The following SEH1L variants were observed in gnomAD, a reference collection of about 807,000 sequenced individuals.
SEH1L encodes nucleoporin SEH1.
In SEH1L, 18 loss-of-function variants were observed where a neutral mutation model predicts 49.5. The observed-to-expected ratio is 0.36, with a 90% CI of 0.25 to 0.54. SEH1L has a LOEUF of 0.54. Among genes scored for constraint, SEH1L ranks in the 20% least tolerant of loss-of-function variants. The pLI is 0.87. For missense variants in SEH1L, 404 were observed against 528.8 expected, an observed-to-expected ratio of 0.76 and a Z score of 2.31; for synonymous variants, 169 against 178.1, an observed-to-expected ratio of 0.95 and a Z score of 0.41.
intron 7 of SEH1L, 22 bp from the exon 8 acceptor site, chr18:12,984,018 T>C (rs941274371): frequency 3.8e-6 from 6 of 1,595,056 alleles, no homozygotes; most frequent in Non-Finnish European, 3.4e-6. Flanking sequence ...CATGTTAATG[T>C]ATTTGATTAT....
chr18:12,985,161 T>G, intron 8 of SEH1L: 1 of 1,480,242 alleles, frequency 6.8e-7, no homozygotes, highest in South Asian at 1.2e-5. Context: ...TTGATCTGTA[T>G]TCTTATTGTG....
chr18:12,951,318 G>A (rs1377264137), intron 1 of SEH1L, among the ~76,000 whole-genome samples: 1 of 152,192 alleles, frequency 6.6e-6, no homozygotes, highest in East Asian at 1.9e-4. Context: ...GTAACTAATT[G>A]TCTCTGTTAC....
At chr18:12,975,330 G>GA (rs149468070) in intron 5 of SEH1L, among the ~76,000 whole-genome samples, 2,770 of 149,028 alleles carry the variant, frequency 0.019, 80 homozygotes, top group East Asian at 0.13. Context: ...CCTCAGGTAA[G>GA]AAAAAAAAAA....
intron 4 of SEH1L, chr18:12,964,325 G>A (rs1033864877): frequency 1.2e-4 from 19 of 152,038 alleles, no homozygotes; most frequent in Admixed American, 4.6e-4. Flanking sequence ...GTAGTCACTA[G>A]TATATTTTTA....
At chr18:12,959,896 C>T (rs1053173531) in intron 3 of SEH1L, among the ~76,000 whole-genome samples, 2 of 152,178 alleles carry the variant, frequency 1.3e-5, no homozygotes, top group Admixed American at 6.5e-5. Flanking sequence ...ACTGAGTCAC[C>T]GGTACTTGGA....
At position 12,948,064 on chromosome 18, in the gene SEH1L, C is replaced by G; in HGVS notation, c.-58C>G. On this transcript the variant is annotated 5_prime_UTR_variant, in exon 1 of 9. Coordinates refer to ENST00000399892, the MANE Select transcript of SEH1L (RefSeq NM_001013437.2). Reference sequence around the variant, plus strand: ...AGGTCTGGCTAGGCTACGGGCCACGCGCCGCCGCCGCTGCCGCCGCCACTG... The same window carrying G: ...AGGTCTGGCTAGGCTACGGGCCACGGGCCGCCGCCGCTGCCGCCGCCACTG... The G allele has an allele frequency of 2.2e-6, 3 of 1,364,642 alleles. No homozygotes were observed. The South Asian group carries it at 3.6e-5, about 17-fold the overall frequency. The allele number at this position is 1,364,642 out of a possible 1,614,324, so 84.5% of individuals were successfully genotyped here.
chr18:12,980,063 C>G lies in SEH1L; in HGVS notation c.761+1171C>G, dbSNP rs1276183606. Reference sequence around the variant, plus strand: ...CCCCCCACCTCCCTCCTGGACGGGGCGGCTGGCCGGGCGGGGGGCTGACCC... The same window carrying G: ...CCCCCCACCTCCCTCCTGGACGGGGGGGCTGGCCGGGCGGGGGGCTGACCC... On this transcript the variant is annotated intron_variant, in intron 6 of 8. Transcript: ENST00000399892. Among the ~76,000 whole-genome samples, 8 of 103,800 alleles carry G rather than the reference C, an allele frequency of 7.7e-5. No individual in the cohort carries two copies. The East Asian group carries it at 2.5e-3, about 33-fold the overall frequency. 68.1% of individuals were successfully genotyped at this position (103,800 alleles called of 152,430 possible).
chr18:12,965,018 T>TC (rs1205450156), intron 4 of SEH1L, among the ~76,000 whole-genome samples: 1 of 136,610 alleles, frequency 7.3e-6, no homozygotes, highest in African/African-American at 2.7e-5. Flanking sequence ...TCTTTTTTTT[T>TC]TTTTTTTTTT....
At chr18:12,959,310 A>G (rs1212241049) in intron 3 of SEH1L, among the ~76,000 whole-genome samples, 2 of 151,964 alleles carry the variant, frequency 1.3e-5, no homozygotes, top group East Asian at 3.9e-4. Flanking sequence ...TGGATTTTGG[A>G]TTTTGGATTT....
In SEH1L at chr18:12,975,326, G is replaced by A. The variant is rs183413734; in HGVS notation, c.621-3426G>A. ...AATTACAATATATAGCTTGCCTCAGGTAAGAAAAAAAAAATCTCACTTTTT... is the reference window on the plus strand; with the variant it reads ...AATTACAATATATAGCTTGCCTCAGATAAGAAAAAAAAAATCTCACTTTTT... On this transcript the variant is annotated intron_variant, in intron 5 of 8. Transcript: ENST00000399892. 5.6e-3 allele frequency among the ~76,000 whole-genome samples: 841 copies of A among 150,992 alleles called. 5 individuals are homozygous for A. The highest frequency in any genetic ancestry group is 0.024 in the Middle Eastern group (7 of 294).
intron 3 of SEH1L, among the ~76,000 whole-genome samples, chr18:12,962,609 AGGCGTGCAC>A (rs1427882012): frequency 6.7e-6 from 1 of 150,236 alleles, no homozygotes; most frequent in Non-Finnish European, 1.5e-5. Context: ...CTGGGGCCAC[AGGCGTGCAC>A]CACCACACCT....
At chr18:12,980,535 C>T (rs1250467276) in intron 6 of SEH1L, among the ~76,000 whole-genome samples, 1 of 105,036 alleles carries the variant, frequency 9.5e-6, no homozygotes, top group Non-Finnish European at 2.0e-5. Flanking sequence ...CCCCACCTCC[C>T]TCCCGGACGG....
Position 12,986,956 on chromosome 18 carries a change from C to T in SEH1L, c.1165C>T (p.His389Tyr), listed in dbSNP as rs763954851. ...TCCTCCTCCTCCTCCTCTGGTAGAG[C>T]ACTCTTGCGATGCTGACACTGCCAA... ...LPPPPPPLVEHSCDADTANLQ... is the reference protein window; with the variant it reads ...LPPPPPPLVEYSCDADTANLQ... The change falls in exon 9 of 9, where the codon CAC becomes TAC. Residue 389 changes from histidine (H) to tyrosine (Y), a missense_variant. By Grantham distance (83) the His-to-Tyr change is moderately conservative (BLOSUM62 2). Transcript: ENST00000399892. The T allele has an allele frequency of 6.2e-7, 1 of 1,613,852 alleles. No individual in the cohort carries two copies. The highest frequency in any genetic ancestry group is 8.5e-7 in the Non-Finnish European group (1 of 1,179,912).
intron 1 of SEH1L, 96 bp downstream of exon 1, chr18:12,948,328 C>G: frequency 1.1e-6 from 1 of 877,184 alleles, no homozygotes; most frequent in Non-Finnish European, 1.8e-6. Context: ...GGTTCAGTGA[C>G]GCCGCTGGAA....
At chr18:12,980,623 T>A (rs866005037) in intron 6 of SEH1L, among the ~76,000 whole-genome samples, 538 of 58,746 alleles carry the variant, frequency 9.2e-3, no homozygotes, top group Middle Eastern at 0.014. Context: ...GGGGCTCCTC[T>A]CTTCCCAGTA....
At chr18:12,979,773 G>A (rs1402795884) in intron 6 of SEH1L, among the ~76,000 whole-genome samples, 23 of 130,408 alleles carry the variant, frequency 1.8e-4, no homozygotes, top group East Asian at 4.9e-4. Context: ...CCTCCCGGAC[G>A]GGGCGGCTGT....
chr18:12,956,873 A>G (rs1245569155), intron 3 of SEH1L, among the ~76,000 whole-genome samples: 1 of 151,924 alleles, frequency 6.6e-6, no homozygotes, highest in African/African-American at 2.4e-5. Flanking sequence ...AATAAATAAC[A>G]TGGCTAACAT....
intron 8 of SEH1L, chr18:12,986,092 T>C: frequency 1.0e-6 from 1 of 985,014 alleles, no homozygotes; most frequent in African/African-American, 1.7e-5. Flanking sequence ...AAAATTTTAC[T>C]AAAATTGTGC....
At chr18:12,970,597 T>C (rs1374854093) in intron 4 of SEH1L, among the ~76,000 whole-genome samples, 2 of 151,552 alleles carry the variant, frequency 1.3e-5, no homozygotes, top group East Asian at 1.9e-4. Flanking sequence ...TTAAACAAAT[T>C]TTTTTTTTGT....
Sources: gnomAD v4.1 joint callset for allele counts (sites outside exome capture counted in the v4.1 genomes callset) on GRCh38, gnomAD v4.1.1 for gene constraint, MANE v1.5 for transcripts, NCBI Gene and HGNC (gene_info 2026-07-23, HGNC 2026-07-21) for gene names.